The following DHDDS variants were observed in gnomAD, a reference collection of about 807,000 sequenced individuals.
DHDDS encodes the protein dehydrodolichyl diphosphate synthase subunit.
DHDDS carries 16 observed loss-of-function variants against 46.2 expected under a neutral mutation model. The ratio of observed to expected loss-of-function variants is 0.35; its 90% CI spans 0.23 to 0.53. DHDDS has a LOEUF of 0.53. Among genes scored for constraint, DHDDS ranks in the 20% least tolerant of loss-of-function variants. The probability of loss-of-function intolerance (pLI) is 0.94; values close to 1 mark genes in which losing one functional copy is unlikely to be tolerated. For missense variants in DHDDS, 340 were observed against 423.7 expected, an observed-to-expected ratio of 0.80 and a Z score of 1.73; for synonymous variants, 151 against 163.1, an observed-to-expected ratio of 0.93 and a Z score of 0.56.
chr1:26,446,206 G>T, intron 4 of DHDDS, 110 bp from the exon 5 acceptor site: 1 of 829,056 alleles, frequency 1.2e-6, no homozygotes, highest in Non-Finnish European at 2.0e-6. Context: ...AACAGGGTCT[G>T]ACACACAGGA....
intron 6 of DHDDS, chr1:26,454,988 G>A: frequency 2.0e-6 from 3 of 1,521,320 alleles, no homozygotes; most frequent in Middle Eastern, 4.6e-4. Flanking sequence ...ACACCTGCCA[G>A]CTCCACCATT....
intron 2 of DHDDS, among the ~76,000 whole-genome samples, chr1:26,434,494 T>C (rs1266764410): frequency 2.0e-5 from 3 of 152,088 alleles, no homozygotes; most frequent in Non-Finnish European, 4.4e-5. Flanking sequence ...TTTTGGGGGC[T>C]GGAAAGGCTG....
In DHDDS at chr1:26,432,919, G is replaced by A. The variant is rs1017070745; in HGVS notation, c.-27G>A. On this transcript the variant is annotated 5_prime_UTR_variant, in exon 2 of 9. Transcript: ENST00000236342. Reference sequence around the variant, plus strand: ...ACCTGGCTGGTGTTTGCTTGTTCTGGAGTGATCTTCTGACTGGAAAAGAAC... The same window carrying A: ...ACCTGGCTGGTGTTTGCTTGTTCTGAAGTGATCTTCTGACTGGAAAAGAAC... 4.3e-6 allele frequency: 7 copies of A among 1,613,198 alleles called. No individual in the cohort carries two copies. The African/African-American group carries it at 8.0e-5, about 18-fold the overall frequency.
chr1:26,467,038 C>A (rs2075497325), intron 8 of DHDDS: 2 of 212,066 alleles, frequency 9.4e-6, no homozygotes, highest in South Asian at 7.0e-5. Flanking sequence ...CTGCCCCCCA[C>A]ACACCTCACC....
At chr1:26,437,655 TAGTAG>T (rs1186669327) in intron 2 of DHDDS, among the ~76,000 whole-genome samples, 1 of 151,940 alleles carries the variant, frequency 6.6e-6, no homozygotes, top group Non-Finnish European at 1.5e-5. Context: ...TTTGTATTTT[TAGTAG>T]AGACTGGGTT....
At chr1:26,450,798 A>T (rs2075311841) in intron 6 of DHDDS, among the ~76,000 whole-genome samples, 1 of 152,174 alleles carries the variant, frequency 6.6e-6, no homozygotes, top group Non-Finnish European at 1.5e-5. Context: ...TAGAAATAGA[A>T]GCATGTTTTC....
chr1:26,454,587 CCT>C lies in DHDDS; in HGVS notation c.543-3203_543-3202del, dbSNP rs1006275741. 3.7e-5 allele frequency: 30 copies of C among 802,672 alleles called. No individual in the cohort carries two copies. In the African/African-American group the frequency reaches 4.5e-4, roughly 12 times the overall value. 49.7% of individuals were successfully genotyped at this position (802,672 alleles called of 1,614,324 possible). A position where few individuals can be genotyped will look rare whatever the true frequency, so the allele number is the denominator to read the frequency against. ...TATAAGGTGGATAGGACAAATGGGC[CCT>C]GTTTTTTTTTTTCCCTTTTAATTAC... On this transcript the variant is annotated intron_variant, in intron 6 of 8. Transcript: ENST00000236342.
At chr1:26,458,261 C>T (rs1372392493) in intron 7 of DHDDS, among the ~76,000 whole-genome samples, 1 of 152,232 alleles carries the variant, frequency 6.6e-6, no homozygotes, top group East Asian at 1.9e-4. Context: ...CCCTCCCCTT[C>T]AGGATAAAGG....
At position 26,463,992 on chromosome 1, in the gene DHDDS, C is replaced by CTTTT. The variant is rs60149042; in HGVS notation, c.765+3869_765+3872dup. On this transcript the variant is annotated intron_variant, in intron 8 of 8. Transcript: ENST00000236342. ...TTTACCTATGGATCATATTTGCAAA[C>CTTTT]TTTTTTTTTTTTTTTTTTTTTTTTG... Among the ~76,000 whole-genome samples the CTTTT allele has an allele frequency of 2.4e-3, 229 of 93,762 alleles. 1 individual carries two copies. Among genetic ancestry groups the CTTTT allele is most frequent in the African/African-American group, 3.2e-3 (73 of 22,776 alleles). The allele number at this position is 93,762 out of a possible 152,430, so 61.5% of individuals were successfully genotyped here.
chr1:26,459,860 C>T (rs373442962), intron 7 of DHDDS, among the ~76,000 whole-genome samples, 177 bp from the exon 8 acceptor site: 1 of 152,182 alleles, frequency 6.6e-6, no homozygotes, highest in African/African-American at 2.4e-5. Context: ...GACGCCTCCC[C>T]CTACTAGTGA....
chr1:26,448,981 A>T (rs1040742806), intron 6 of DHDDS, among the ~76,000 whole-genome samples: 1 of 152,220 alleles, frequency 6.6e-6, no homozygotes, highest in Non-Finnish European at 1.5e-5. Context: ...AGGAGAGGAG[A>T]CAGTTTTTGA....
At chr1:26,442,658 G>A (rs759471596) in intron 3 of DHDDS, 73 bp from the exon 4 acceptor site, 2 of 1,595,800 alleles carry the variant, frequency 1.3e-6, no homozygotes, top group Admixed American at 1.7e-5. Context: ...TCTGAGTCAG[G>A]ACCAAAAAGT....
chr1:26,467,453 C>CG (rs1477657587), intron 8 of DHDDS: 7 of 423,980 alleles, frequency 1.7e-5, no homozygotes, highest in Admixed American at 2.6e-5. Flanking sequence ...ATTCAGGAGC[C>CG]GGGGGGGACA....
intron 8 of DHDDS, among the ~76,000 whole-genome samples, chr1:26,465,247 G>A (rs2075471520): frequency 6.6e-6 from 1 of 152,216 alleles, no homozygotes. Context: ...GAAGCTTCCT[G>A]TAGTACATTT....
In DHDDS at chr1:26,471,148, G is replaced by A. The variant is rs1035060182; in HGVS notation, c.*2017G>A. On this transcript the variant is annotated 3_prime_UTR_variant, in exon 9 of 9. Coordinates refer to ENST00000236342, the MANE Select transcript of DHDDS (RefSeq NM_205861.3). The stretch of plus-strand genomic sequence containing the variant: ...GAACTCGTGGTTGCTTTGGACAGGT[G>A]TGATTTGTGCAAGCCAGGTTCAACC... 1.1e-4 allele frequency: 16 copies of A among 152,232 alleles called. No homozygotes were observed. The highest frequency in any genetic ancestry group is 3.4e-4 in the African/African-American group (14 of 41,454). The allele number at this position is 152,232 out of a possible 1,614,324, so 9.4% of individuals were successfully genotyped here.
chr1:26,446,302 T>C lies in DHDDS; in HGVS notation c.324-14T>C. The C allele has an allele frequency of 6.2e-7, 1 of 1,612,652 alleles. No homozygotes were observed. Among genetic ancestry groups the C allele is most frequent in the Admixed American group, 1.7e-5 (1 of 59,986 alleles). On this transcript the variant is annotated splice_polypyrimidine_tract_variant and intron_variant, in intron 4 of 8. Transcript: ENST00000236342. ...AGGGGCCCTATCCCAATGCTGCCTC[T>C]TTTCCCTGATCAGGGAGAAACTGCA...
intron 2 of DHDDS, among the ~76,000 whole-genome samples, chr1:26,436,064 T>C (rs1202777645): frequency 1.3e-5 from 2 of 152,030 alleles, no homozygotes; most frequent in Non-Finnish European, 2.9e-5. Flanking sequence ...GAGTTCCTTT[T>C]TTCTGTGGAA....
chr1:26,458,094 G>A (rs1428547293), intron 7 of DHDDS, among the ~76,000 whole-genome samples, 189 bp downstream of exon 7: 1 of 152,118 alleles, frequency 6.6e-6, no homozygotes, highest in Non-Finnish European at 1.5e-5. Context: ...CTCATCTGTC[G>A]CTGGCTTTGC....
intron 4 of DHDDS, among the ~76,000 whole-genome samples, chr1:26,445,931 G>A (rs1445606522): frequency 6.6e-6 from 1 of 150,914 alleles, no homozygotes; most frequent in Non-Finnish European, 1.5e-5. Context: ...GCTGCGGTGG[G>A]AGGATCGCTT....
Sources: gnomAD v4.1 joint callset for allele counts (sites outside exome capture counted in the v4.1 genomes callset) on GRCh38, gnomAD v4.1.1 for gene constraint, MANE v1.5 for transcripts, NCBI Gene and HGNC (gene_info 2026-07-23, HGNC 2026-07-21) for gene names.